The following PTPRD variants were observed in gnomAD, a reference collection of about 807,000 sequenced individuals.
PTPRD encodes the protein receptor-type tyrosine-protein phosphatase delta.
In PTPRD, 34 loss-of-function variants were observed where a neutral mutation model predicts 214.5. The ratio of observed to expected loss-of-function variants is 0.16; its 90% confidence interval spans 0.12 to 0.21. PTPRD has a LOEUF of 0.21. Ranked by LOEUF, PTPRD falls within the 10% of genes least tolerant of loss-of-function variation. PTPRD has a pLI of 1.00. For missense variants in PTPRD, 2,545 were observed against 2,398.7 expected (o/e 1.06, Z -1.27); for synonymous variants, 1,128 against 845.7 (o/e 1.33, Z -5.79).
At chr9:9,931,996 A>G (rs1191430950) in intron 5 of PTPRD, among the ~76,000 whole-genome samples, 2 of 152,046 alleles carry the variant, frequency 1.3e-5, no homozygotes, top group Admixed American at 1.3e-4. Flanking sequence ...GAGTACTCCA[A>G]CAGACCTGCA....
rs1476454195 is a variant in PTPRD at position 9,098,181 on chromosome 9, CT to C, written c.-142-79447del. 3.9e-5 allele frequency among the ~76,000 whole-genome samples: 6 copies of C among 152,052 alleles called. 1 individual carries two copies. Among genetic ancestry groups the C allele is most frequent in the Non-Finnish European group, 5.9e-5 (4 of 67,974 alleles). ...TGATGATTCTTGCTCCAAAAATTGCCTTTCTTTCTTTTTCCCCAAATTCCAG... is the reference window on the plus strand; with the variant it reads ...TGATGATTCTTGCTCCAAAAATTGCCTTCTTTCTTTTTCCCCAAATTCCAG... On this transcript the variant is annotated intron_variant, in intron 10 of 45. Transcript: ENST00000381196.
At chr9:9,753,945 A>G (rs2098545509) in intron 6 of PTPRD, among the ~76,000 whole-genome samples, 1 of 152,082 alleles carries the variant, frequency 6.6e-6, no homozygotes, top group African/African-American at 2.4e-5. Flanking sequence ...AAATAGACTC[A>G]GATGTTCTTC....
chr9:10,110,544 A>T (rs1261463420), intron 3 of PTPRD, among the ~76,000 whole-genome samples: 7 of 152,220 alleles, frequency 4.6e-5, no homozygotes, highest in Non-Finnish European at 1.5e-5. Flanking sequence ...GAGATGAGAA[A>T]GGGGGAAACA....
At chr9:9,353,597 G>C (rs117475541) in intron 9 of PTPRD, among the ~76,000 whole-genome samples, 2 of 151,102 alleles carry the variant, frequency 1.3e-5, no homozygotes, top group Non-Finnish European at 3.0e-5. Flanking sequence ...CTTGTCTTAC[G>C]TATATATTGG....
chr9:10,094,044 T>C (rs1285408099), intron 3 of PTPRD, among the ~76,000 whole-genome samples: 1 of 151,326 alleles, frequency 6.6e-6, no homozygotes, highest in Non-Finnish European at 1.5e-5. Flanking sequence ...CATCATGCAA[T>C]ATATCCACAT....
At chr9:10,431,900 TAGAAATAC>T (rs2098682979) in intron 2 of PTPRD, among the ~76,000 whole-genome samples, 1 of 152,000 alleles carries the variant, frequency 6.6e-6, no homozygotes, top group East Asian at 1.9e-4. Context: ...GATCTAGAGC[TAGAAATAC>T]CATTTGACCC....
At chr9:8,692,192 C>A (rs1031637182) in intron 12 of PTPRD, among the ~76,000 whole-genome samples, 1 of 152,210 alleles carries the variant, frequency 6.6e-6, no homozygotes, top group Non-Finnish European at 1.5e-5. Context: ...AAAGAGCCAG[C>A]AGGTGGATTA....
At chr9:8,990,827 T>A (rs192786488) in intron 11 of PTPRD, among the ~76,000 whole-genome samples, 2 of 152,090 alleles carry the variant, frequency 1.3e-5, no homozygotes. Context: ...CCTTTCTGGG[T>A]TTCCTAAGTC....
intron 5 of PTPRD, among the ~76,000 whole-genome samples, chr9:9,907,444 C>G (rs1020176113): frequency 6.6e-6 from 1 of 151,746 alleles, no homozygotes; most frequent in Non-Finnish European, 1.5e-5. Context: ...CTCATGAGGC[C>G]TCCCTTTCTC....
chr9:9,602,821 T>C (rs566437053), intron 7 of PTPRD, among the ~76,000 whole-genome samples: 2 of 152,284 alleles, frequency 1.3e-5, no homozygotes, highest in Admixed American at 1.3e-4. Flanking sequence ...ACGATGCCAG[T>C]CATAACTGGT....
chr9:8,419,270 T>TA (rs1181625835), intron 35 of PTPRD, among the ~76,000 whole-genome samples: 1 of 151,220 alleles, frequency 6.6e-6, no homozygotes, highest in East Asian at 1.9e-4. Context: ...AACAATATTA[T>TA]TAATCAAGCT....
chr9:10,386,532 C>T (rs984424661), intron 2 of PTPRD, among the ~76,000 whole-genome samples: 8 of 151,870 alleles, frequency 5.3e-5, no homozygotes, highest in African/African-American at 1.9e-4. Context: ...TAACCAACTT[C>T]ACGCTAATGG....
intron 7 of PTPRD, among the ~76,000 whole-genome samples, chr9:9,589,988 C>G (rs1454986462): frequency 6.6e-6 from 1 of 151,902 alleles, no homozygotes; most frequent in Non-Finnish European, 1.5e-5. Context: ...TATGATTCCT[C>G]TTATTCAAAA....
At chr9:8,730,588 G>GT (rs750996266) in intron 12 of PTPRD, among the ~76,000 whole-genome samples, 8 of 152,240 alleles carry the variant, frequency 5.3e-5, no homozygotes, top group Admixed American at 3.3e-4. Flanking sequence ...GATGCTAACA[G>GT]TAGGTTCTTG....
At chr9:10,526,685 G>A in intron 2 of PTPRD, among the ~76,000 whole-genome samples, 1 of 151,988 alleles carries the variant, frequency 6.6e-6, no homozygotes, top group Non-Finnish European at 1.5e-5. Context: ...TTACATAAAA[G>A]AGTTACCCAA....
At chr9:9,802,799 CCCCT>C (rs1565382744) in intron 5 of PTPRD, among the ~76,000 whole-genome samples, 1 of 151,706 alleles carries the variant, frequency 6.6e-6, no homozygotes, top group African/African-American at 2.4e-5. Context: ...TGGCAACCTC[CCCCT>C]CCCTCAGAAA....
intron 11 of PTPRD, among the ~76,000 whole-genome samples, chr9:8,913,787 A>C (rs1367924324): frequency 6.6e-6 from 1 of 152,162 alleles, no homozygotes; most frequent in Non-Finnish European, 1.5e-5. Flanking sequence ...ATTGGTGGAC[A>C]ATGAAGATGA....
intron 12 of PTPRD, among the ~76,000 whole-genome samples, chr9:8,638,912 G>A (rs959664698): frequency 5.9e-5 from 9 of 151,936 alleles, no homozygotes; most frequent in Admixed American, 1.3e-4. Context: ...GCACAATCTC[G>A]ACTCACTGCA....
At chr9:10,415,443 A>G (rs1404103837) in intron 2 of PTPRD, among the ~76,000 whole-genome samples, 2 of 151,982 alleles carry the variant, frequency 1.3e-5, no homozygotes, top group East Asian at 2.0e-4. Flanking sequence ...TTGCCATTAG[A>G]ATGGTTATCA....
Sources: gnomAD v4.1 joint callset for allele counts (sites outside exome capture counted in the v4.1 genomes callset) on GRCh38, gnomAD v4.1.1 for gene constraint, MANE v1.5 for transcripts, NCBI Gene and HGNC (gene_info 2026-07-23, HGNC 2026-07-21) for gene names.